PTPRN2: variants seen among roughly 807,000 people sequenced by gnomAD.
PTPRN2 encodes receptor-type tyrosine-protein phosphatase N2.
In PTPRN2, 74 loss-of-function variants were observed where a neutral mutation model predicts 118.8. The observed-to-expected ratio is 0.62, with a 90% CI of 0.52 to 0.76. The LOEUF (loss-of-function observed/expected upper bound fraction) is 0.76, where lower values mean the gene tolerates loss of function less well. PTPRN2 is among the 30% of genes least tolerant of loss of function. The pLI is 0.00. For synonymous variants in PTPRN2, 641 were observed against 608.0 expected, an observed-to-expected ratio of 1.05 and a Z score of -0.80; for missense variants, 1,481 against 1,394.4, an observed-to-expected ratio of 1.06 and a Z score of -0.99.
intron 22 of PTPRN2, 94 bp from the exon 23 acceptor site, chr7:157,540,879 C>T (rs1234381195): frequency 9.6e-7 from 1 of 1,040,484 alleles, no homozygotes; most frequent in Non-Finnish European, 1.4e-6. Flanking sequence ...AGCGGCGTCC[C>T]CCCTTCCCAA....
At chr7:157,675,571 C>T (rs907889635) in intron 13 of PTPRN2, among the ~76,000 whole-genome samples, 3 of 152,222 alleles carry the variant, frequency 2.0e-5, no homozygotes, top group East Asian at 1.9e-4. Context: ...GAAAATGTGT[C>T]CCGCCTCTCT....
intron 12 of PTPRN2, among the ~76,000 whole-genome samples, chr7:157,804,136 A>G (rs78756580): frequency 0.019 from 2,897 of 152,356 alleles, 82 homozygotes; most frequent in South Asian, 0.12. Context: ...AACAGGCGCA[A>G]GCCCTTATTT....
Position 158,138,514 on chromosome 7 carries a change from T to C in PTPRN2, c.912A>G (p.Gly304=). 1.2e-6 allele frequency: 2 copies of C among 1,609,952 alleles called. No homozygotes were observed. Among genetic ancestry groups the C allele is most frequent in the Admixed American group, 1.7e-5 (1 of 59,996 alleles). ...DSEDPSSTGD[G]ARIHTLLKDL... ...CCTTCAGGAGGGTATGAATCCGTGC[T>C]CCTAGGGGCACACACACAAACACAA... The change falls in exon 7 of 23, where the codon GGA becomes GGG. Residue 304 remains glycine, a splice_region_variant and synonymous_variant. Coordinates refer to ENST00000389418, the MANE Select transcript of PTPRN2 (RefSeq NM_002847.5).
rs185206356 is a variant in PTPRN2, at chr7:157,979,482, G to A, written c.1724-80745C>T. 5.1e-3 allele frequency among the ~76,000 whole-genome samples: 779 copies of A among 152,346 alleles called. 3 individuals carry two copies. Among genetic ancestry groups the A allele is most frequent in the Non-Finnish European group, 8.4e-3 (569 of 68,038 alleles). ...CTGCACGTTGCTGAGTGTCCGCTAT[G>A]CACTGGTCATGATTCTAAGTTCTCA... On this transcript the variant is annotated intron_variant, in intron 11 of 22. Transcript: ENST00000389418.
At chr7:157,878,461 C>T (rs1326031861) in intron 12 of PTPRN2, among the ~76,000 whole-genome samples, 5 of 136,030 alleles carry the variant, frequency 3.7e-5, no homozygotes, top group African/African-American at 1.4e-4. Context: ...TCTCGGATTC[C>T]GTGGGGCTGG....
chr7:158,284,418 G>A (rs1315617293), intron 3 of PTPRN2, among the ~76,000 whole-genome samples: 1 of 152,182 alleles, frequency 6.6e-6, no homozygotes, highest in Admixed American at 6.5e-5. Flanking sequence ...GATGCTCTAT[G>A]AGTAAGTGCT....
At chr7:158,504,382 G>A (rs756594791) in intron 1 of PTPRN2, among the ~76,000 whole-genome samples, 10 of 151,762 alleles carry the variant, frequency 6.6e-5, no homozygotes, top group South Asian at 2.1e-4. Context: ...AGTCTGTGTC[G>A]TTCCCCCCCC....
intron 12 of PTPRN2, among the ~76,000 whole-genome samples, chr7:157,748,724 C>A (rs200327417): frequency 1.0e-5 from 1 of 98,162 alleles, no homozygotes; most frequent in Non-Finnish European, 2.0e-5. Context: ...CTGAGGCCTG[C>A]GTCCCTGAGC....
intron 12 of PTPRN2, among the ~76,000 whole-genome samples, chr7:157,811,140 G>A (rs576739820): frequency 6.6e-5 from 10 of 151,398 alleles, no homozygotes; most frequent in African/African-American, 2.2e-4. Context: ...GCGTGGTGGC[G>A]GGCACCTGTA....
chr7:158,286,193 G>T (rs1293389485), intron 3 of PTPRN2, among the ~76,000 whole-genome samples: 1 of 152,082 alleles, frequency 6.6e-6, no homozygotes, highest in African/African-American at 2.4e-5. Context: ...CTTTATTTTT[G>T]TCTGTGGATT....
At chr7:157,727,994 C>T (rs1043188980) in intron 12 of PTPRN2, among the ~76,000 whole-genome samples, 3 of 152,190 alleles carry the variant, frequency 2.0e-5, no homozygotes, top group African/African-American at 7.2e-5. Context: ...ATCTGTGGGC[C>T]CCCCAGCTCC....
At chr7:158,090,598 C>A (rs1585406144) in intron 10 of PTPRN2, among the ~76,000 whole-genome samples, 1 of 152,004 alleles carries the variant, frequency 6.6e-6, no homozygotes. Context: ...TAAAACATGC[C>A]AACAAAGAAG....
chr7:157,799,898 T>C (rs1404944035), intron 12 of PTPRN2, among the ~76,000 whole-genome samples: 11 of 86,708 alleles, frequency 1.3e-4, no homozygotes, highest in Non-Finnish European at 1.2e-4. Context: ...GCCGGCCCCC[T>C]CCATCCCTCA....
chr7:157,549,318 TTTTC>T (rs1316394242), intron 21 of PTPRN2, among the ~76,000 whole-genome samples: 4 of 123,948 alleles, frequency 3.2e-5, no homozygotes, highest in Admixed American at 2.4e-4. Flanking sequence ...CTTTTCTTTC[TTTTC>T]TTTTTTTTTT....
intron 12 of PTPRN2, among the ~76,000 whole-genome samples, chr7:157,810,772 A>T (rs573766868): frequency 0.011 from 1,576 of 139,614 alleles, 37 homozygotes; most frequent in African/African-American, 0.039. Context: ...TGCTGGGCAC[A>T]GGCTCTCCAC....
At chr7:158,516,461 C>T (rs932793379) in intron 1 of PTPRN2, among the ~76,000 whole-genome samples, 5 of 152,270 alleles carry the variant, frequency 3.3e-5, no homozygotes, top group African/African-American at 9.6e-5. Flanking sequence ...CCAGCCCCCT[C>T]CCAGCCTGCC....
chr7:157,598,412 G>A lies in PTPRN2; in HGVS notation c.2419-3097C>T, dbSNP rs923049785. Among the ~76,000 whole-genome samples the A allele has an allele frequency of 6.6e-6, 1 of 152,094 alleles. No homozygotes were observed. Among genetic ancestry groups the A allele is most frequent in the Non-Finnish European group, 1.5e-5 (1 of 68,030 alleles). On this transcript the variant is annotated intron_variant, in intron 16 of 22. Coordinates refer to ENST00000389418, the MANE Select transcript of PTPRN2 (RefSeq NM_002847.5). This position sits in a 1 kb window ranked among gnomAD's most constrained non-coding sequence, Gnocchi z 5.2. Reference sequence around the variant, plus strand: ...TGTATGGTGGGTGAGCTCAGGGAGTGAGGAGCTTGGACGTCGGCGTCTCCG... The same window carrying A: ...TGTATGGTGGGTGAGCTCAGGGAGTAAGGAGCTTGGACGTCGGCGTCTCCG...
Position 158,014,716 on chromosome 7 carries a change from T to C in PTPRN2, c.1723+66582A>G, listed in dbSNP as rs141250112. Among the ~76,000 whole-genome samples, 818 of 151,362 alleles carry C rather than the reference T, an allele frequency of 5.4e-3. 7 individuals are homozygous for C. Among genetic ancestry groups the C allele is most frequent in the African/African-American group, 0.019 (794 of 41,210 alleles). ...CTCTGTCCCTCCATTCATCCATCCA[T>C]CCACCCATCCGGCCAGCCAGCCAGC... On this transcript the variant is annotated intron_variant, in intron 11 of 22. Coordinates refer to ENST00000389418, the MANE Select transcript of PTPRN2 (RefSeq NM_002847.5).
intron 2 of PTPRN2, among the ~76,000 whole-genome samples, chr7:158,399,483 T>C (rs1812777323): frequency 6.6e-6 from 1 of 152,018 alleles, no homozygotes; most frequent in African/African-American, 2.4e-5. Context: ...GAGATCTCTG[T>C]CTCTATAAAA....
Sources: gnomAD v4.1 joint callset for allele counts (sites outside exome capture counted in the v4.1 genomes callset) on GRCh38, gnomAD v4.1.1 for gene constraint, Gnocchi (gnomAD v3.1) non-coding constraint, MANE v1.5 for transcripts, NCBI Gene and HGNC (gene_info 2026-07-23, HGNC 2026-07-21) for gene names.